The following TRDMT1 variants were observed in gnomAD, a reference collection of about 807,000 sequenced individuals.
TRDMT1 encodes the protein tRNA aspartic acid methyltransferase 1.
In TRDMT1, 49 loss-of-function variants were observed where a neutral mutation model predicts 51.2. The ratio of observed to expected loss-of-function variants is 0.96; its 90% confidence interval spans 0.76 to 1.21. TRDMT1 has a LOEUF of 1.21. Among genes scored for constraint, TRDMT1 ranks in the 50% most tolerant of loss-of-function variants. The pLI is 0.00. For synonymous variants in TRDMT1, 187 were observed against 164.6 expected (o/e 1.14, Z -1.04); for missense variants, 534 against 462.3 (o/e 1.16, Z -1.42).
At chr10:17,152,975 A>G (rs543893748) in intron 10 of TRDMT1, 1 of 155,384 alleles carries the variant, frequency 6.4e-6, no homozygotes, top group Non-Finnish European at 1.4e-5. Flanking sequence ...TCCTTCCTAG[A>G]CAGCCTCTCC....
intron 1 of TRDMT1, among the ~76,000 whole-genome samples, chr10:17,193,121 T>G (rs557498011): frequency 7.2e-5 from 11 of 152,258 alleles, no homozygotes; most frequent in Admixed American, 6.5e-4. Context: ...CCCAGCACTT[T>G]GGGAGGTTGG....
chr10:17,195,867 A>G (rs900885407), intron 1 of TRDMT1, among the ~76,000 whole-genome samples: 1 of 152,224 alleles, frequency 6.6e-6, no homozygotes, highest in African/African-American at 2.4e-5. Flanking sequence ...GACTTGCTAT[A>G]TAAGAGTAAC....
At chr10:17,174,500 C>G (rs1476042627) in intron 2 of TRDMT1, 51 bp downstream of exon 2, 1 of 1,308,210 alleles carries the variant, frequency 7.6e-7, no homozygotes, top group South Asian at 1.2e-5. Context: ...CAGTGTTTTT[C>G]AATCACATTT....
At chr10:17,157,416 G>A (rs772854502) in intron 8 of TRDMT1, 25 bp downstream of exon 8, 2 of 1,543,716 alleles carry the variant, frequency 1.3e-6, no homozygotes, top group South Asian at 2.5e-5. Context: ...TTTGGATACA[G>A]GATCAATAGA....
At chr10:17,186,056 TA>T (rs1843857586) in intron 1 of TRDMT1, among the ~76,000 whole-genome samples, 4 of 132,874 alleles carry the variant, frequency 3.0e-5, no homozygotes, top group Admixed American at 2.9e-4. Context: ...GTATAATAAA[TA>T]AATAAATAAA....
Position 17,141,449 on chromosome 10 carries a change from C to T in TRDMT1, c.*7591G>A, listed in dbSNP as rs1264272570. Among the ~76,000 whole-genome samples, 2 of 152,124 alleles carry T rather than the reference C, an allele frequency of 1.3e-5. No individual in the cohort carries two copies. Among genetic ancestry groups the T allele is most frequent in the Admixed American group, 6.5e-5 (1 of 15,268 alleles). ...TGCTGGGATTACAGGTGTCAGCCAC[C>T]GCGCCCAGCCTCCAGCTGCTTTTAA... On this transcript the variant is annotated 3_prime_UTR_variant, in exon 11 of 11. Coordinates refer to ENST00000377799, the MANE Select transcript of TRDMT1 (RefSeq NM_004412.7).
intron 1 of TRDMT1, among the ~76,000 whole-genome samples, chr10:17,196,110 G>T (rs1845391603): frequency 6.6e-6 from 1 of 152,226 alleles, no homozygotes; most frequent in Non-Finnish European, 1.5e-5. Context: ...AAGTTGGCAT[G>T]TAAGTCGTTG....
At chr10:17,184,957 C>T (rs183243643) in intron 1 of TRDMT1, among the ~76,000 whole-genome samples, 1 of 152,252 alleles carries the variant, frequency 6.6e-6, no homozygotes, top group African/African-American at 2.4e-5. Context: ...TCTTTCTCTG[C>T]TAGAATTCTG....
At chr10:17,165,834 C>G (rs1221796917) in intron 3 of TRDMT1, among the ~76,000 whole-genome samples, 1 of 152,184 alleles carries the variant, frequency 6.6e-6, no homozygotes, top group African/African-American at 2.4e-5. Context: ...CCATCTCACA[C>G]CAGTTAGAAT....
intron 2 of TRDMT1, among the ~76,000 whole-genome samples, chr10:17,169,907 T>C (rs939556070): frequency 2.6e-5 from 4 of 152,154 alleles, no homozygotes; most frequent in African/African-American, 9.7e-5. Flanking sequence ...CTCCCCAGTG[T>C]TAAGGAAAGC....
In TRDMT1 at chr10:17,139,067, T is replaced by G; in HGVS notation, c.*9973A>C. On this transcript the variant is annotated 3_prime_UTR_variant, in exon 11 of 11. Coordinates refer to ENST00000377799, the MANE Select transcript of TRDMT1 (RefSeq NM_004412.7). Reference sequence around the variant, plus strand: ...TAGTAAAAAAATCAACAGAGCTTTCTCTACCTCCAACAGCTCCCGGAATGG... The same window carrying G: ...TAGTAAAAAAATCAACAGAGCTTTCGCTACCTCCAACAGCTCCCGGAATGG... 1 of 622,662 alleles carries G rather than the reference T, an allele frequency of 1.6e-6. No individual in the cohort carries two copies. The highest frequency in any genetic ancestry group is 2.0e-6 in the Non-Finnish European group (1 of 498,636). The allele number at this position is 622,662 out of a possible 1,614,324, so 38.6% of individuals were successfully genotyped here. A position where few individuals can be genotyped will look rare whatever the true frequency, so the allele number is the denominator to read the frequency against.
At chr10:17,155,389 T>C (rs1376957402) in intron 8 of TRDMT1, among the ~76,000 whole-genome samples, 1 of 152,198 alleles carries the variant, frequency 6.6e-6, no homozygotes, top group Non-Finnish European at 1.5e-5. Context: ...TAATTCAATA[T>C]TGGCTCCCTT....
intron 2 of TRDMT1, chr10:17,169,398 G>A (rs1006807704): frequency 1.6e-6 from 2 of 1,282,678 alleles, no homozygotes; most frequent in Admixed American, 2.3e-5. Context: ...TTATCAAATG[G>A]AAAAGGGCCT....
In TRDMT1 at chr10:17,157,425, G is replaced by A; in HGVS notation, c.887+16C>T. Reference sequence around the variant, plus strand: ...GGTTATTTTGGATACAGGATCAATAGATCTTTAAAACCTACCCTTTGGTAA... The same window carrying A: ...GGTTATTTTGGATACAGGATCAATAAATCTTTAAAACCTACCCTTTGGTAA... On this transcript the variant is annotated intron_variant, in intron 8 of 10. Transcript: ENST00000377799. 4 of 1,567,192 alleles carry A rather than the reference G, an allele frequency of 2.6e-6. No individual in the cohort carries two copies. The highest frequency in any genetic ancestry group is 3.5e-6 in the Non-Finnish European group (4 of 1,153,910).
Position 17,155,204 on chromosome 10 carries a change from A to G in TRDMT1, c.888-470T>C, listed in dbSNP as rs1839333452. Reference sequence around the variant, plus strand: ...ACTCCAGCCTGGGCAACAGAGTGAGACTCCATCTCAAAAAAATGATAATAA... The same window carrying G: ...ACTCCAGCCTGGGCAACAGAGTGAGGCTCCATCTCAAAAAAATGATAATAA... On this transcript the variant is annotated intron_variant, in intron 8 of 10. Transcript: ENST00000377799. Among the ~76,000 whole-genome samples the G allele has an allele frequency of 2.0e-5, 3 of 150,022 alleles. No individual in the cohort carries two copies. The South Asian group carries it at 6.3e-4, about 32-fold the overall frequency.
At chr10:17,162,753 G>A (rs1840585288) in intron 3 of TRDMT1, among the ~76,000 whole-genome samples, 1 of 152,112 alleles carries the variant, frequency 6.6e-6, no homozygotes, top group Admixed American at 6.5e-5. Context: ...AGAGGCACAA[G>A]AATCACTTGA....
chr10:17,165,293 G>T (rs1373214618), intron 3 of TRDMT1, among the ~76,000 whole-genome samples: 1 of 152,144 alleles, frequency 6.6e-6, no homozygotes, highest in East Asian at 1.9e-4. Flanking sequence ...TTAATAAATG[G>T]TGCTGGCAAA....
chr10:17,171,225 G>A (rs531980989), intron 2 of TRDMT1, among the ~76,000 whole-genome samples: 35 of 152,094 alleles, frequency 2.3e-4, no homozygotes, highest in African/African-American at 7.7e-4. Context: ...ATTCCGAGGT[G>A]TCCTTATCTG....
At position 17,140,482 on chromosome 10, in the gene TRDMT1, C is replaced by T. The variant is rs1837584329; in HGVS notation, c.*8558G>A. On this transcript the variant is annotated 3_prime_UTR_variant, in exon 11 of 11. Transcript: ENST00000377799. Reference sequence around the variant, plus strand: ...TAATTGGACAATTATTTATTAGGTACCCACTATCTGTCAGCATCTGAGAAA... The same window carrying T: ...TAATTGGACAATTATTTATTAGGTATCCACTATCTGTCAGCATCTGAGAAA... Among the ~76,000 whole-genome samples the T allele has an allele frequency of 1.3e-5, 2 of 152,066 alleles. No individual in the cohort carries two copies. Among genetic ancestry groups the T allele is most frequent in the African/African-American group, 4.8e-5 (2 of 41,388 alleles).
Sources: gnomAD v4.1 joint callset for allele counts (sites outside exome capture counted in the v4.1 genomes callset) on GRCh38, gnomAD v4.1.1 for gene constraint, MANE v1.5 for transcripts, NCBI Gene and HGNC (gene_info 2026-07-23, HGNC 2026-07-21) for gene names.